The following PSIP1 variants were observed in gnomAD, a reference collection of about 807,000 sequenced individuals.
PSIP1 encodes PC4 and SFRS1-interacting protein.
PSIP1 carries 19 observed loss-of-function variants against 74.7 expected under a neutral mutation model. The observed-to-expected ratio is 0.25, with a 90% confidence interval of 0.18 to 0.37. The LOEUF (loss-of-function observed/expected upper bound fraction) is 0.37. PSIP1 is among the 10% of genes least tolerant of loss of function. The probability of loss-of-function intolerance (pLI) is 1.00; values close to 1 mark genes in which losing one functional copy is unlikely to be tolerated. For missense variants in PSIP1, 601 were observed against 614.3 expected (o/e 0.98, Z 0.23); for synonymous variants, 222 against 195.3 (o/e 1.14, Z -1.14).
rs2035475842 is a variant in PSIP1, at chr9:15,464,495, G to A, written c.*1025C>T. The stretch of plus-strand genomic sequence containing the variant: ...TTTAGTCCATACACGTCAATGTACA[G>A]ACTTATCAAAGTACAATGCTGGAAC... On this transcript the variant is annotated 3_prime_UTR_variant, in exon 16 of 16. Transcript: ENST00000380733. 5.0e-6 allele frequency: 1 copy of A among 200,970 alleles called. No individual in the cohort carries two copies. The highest frequency in any genetic ancestry group is 1.9e-4 in the South Asian group (1 of 5,244). The allele number at this position is 200,970 out of a possible 1,614,324, so 12.4% of individuals were successfully genotyped here.
intron 6 of PSIP1, among the ~76,000 whole-genome samples, chr9:15,482,862 A>G (rs2036395727): frequency 6.6e-6 from 1 of 152,170 alleles, no homozygotes; most frequent in Non-Finnish European, 1.5e-5. Context: ...TGTCCTTACC[A>G]TTCAACTAAA....
Position 15,468,655 on chromosome 9 carries a change from G to C in PSIP1, c.1395C>G (p.Asn465Lys). ...CTGTTTGTTCCTTCTCTAGCTTTTT[G>C]TTTGGCCCTTTCTTCCCTTGATCTT... ...KTKDQGKKGP[N>K]KKLEKEQTGS... Residue 465 changes from asparagine (N) to lysine (K), a missense_variant, in exon 14 of 16, where the codon AAC becomes AAG. Transcript: ENST00000380733. 6.2e-7 allele frequency: 1 copy of C among 1,614,028 alleles called. No individual in the cohort carries two copies.
chr9:15,500,677 A>G (rs1413272411), intron 3 of PSIP1, among the ~76,000 whole-genome samples: 2 of 152,136 alleles, frequency 1.3e-5, no homozygotes, highest in Admixed American at 6.5e-5. Flanking sequence ...TTCACTCCTA[A>G]AACTATAAAT....
chr9:15,472,513 T>A, intron 10 of PSIP1, 119 bp downstream of exon 10: 2 of 1,449,054 alleles, frequency 1.4e-6, no homozygotes, highest in South Asian at 3.1e-5. Flanking sequence ...TTCTAACACA[T>A]GGGAAAAGTC....
intron 3 of PSIP1, among the ~76,000 whole-genome samples, chr9:15,496,448 T>A (rs1315418712): frequency 6.6e-6 from 1 of 152,236 alleles, no homozygotes; most frequent in South Asian, 2.1e-4. Context: ...AAATAAGACA[T>A]AGCAAAGTGG....
chr9:15,489,032 T>A (rs955219658), intron 4 of PSIP1, among the ~76,000 whole-genome samples: 1 of 151,600 alleles, frequency 6.6e-6, no homozygotes, highest in Non-Finnish European at 1.5e-5. Context: ...AAAAAATAAA[T>A]TTTTTCTAAA....
intron 6 of PSIP1, among the ~76,000 whole-genome samples, chr9:15,484,069 T>A (rs1414676475): frequency 2.0e-5 from 3 of 148,160 alleles, no homozygotes; most frequent in Admixed American, 1.3e-4. Flanking sequence ...GAGGTGGAGG[T>A]TGCAGTGAGC....
intron 3 of PSIP1, among the ~76,000 whole-genome samples, chr9:15,503,340 C>G (rs1240745599): frequency 6.6e-6 from 1 of 151,356 alleles, no homozygotes; most frequent in South Asian, 2.1e-4. Context: ...GCACTCCAGC[C>G]TGGGCAACAG....
chr9:15,494,547 AAG>A (rs1357424162), intron 3 of PSIP1, among the ~76,000 whole-genome samples: 1 of 146,452 alleles, frequency 6.8e-6, no homozygotes, highest in Non-Finnish European at 1.5e-5. Flanking sequence ...CCTGGGCAAC[AAG>A]AGCAAAACTG....
At chr9:15,474,638 T>C (rs1281792169) in intron 8 of PSIP1, among the ~76,000 whole-genome samples, 1 of 152,220 alleles carries the variant, frequency 6.6e-6, no homozygotes, top group East Asian at 1.9e-4. Context: ...GACAGTGCTG[T>C]GCTGACTAGC....
chr9:15,486,254 T>C (rs2036553087), intron 5 of PSIP1, among the ~76,000 whole-genome samples, 186 bp from the exon 6 acceptor site: 1 of 152,240 alleles, frequency 6.6e-6, no homozygotes, highest in South Asian at 2.1e-4. Flanking sequence ...GCATTTCCAC[T>C]GTCAGATCAA....
In PSIP1 at chr9:15,472,625, T is replaced by C. The variant is rs763556230; in HGVS notation, c.977+7A>G. Reference sequence around the variant, plus strand: ...AACCCAAAATTTAGAAAAAAAAAAATACTTACTGCTCAGTTTCCATTTGTT... The same window carrying C: ...AACCCAAAATTTAGAAAAAAAAAAACACTTACTGCTCAGTTTCCATTTGTT... On this transcript the variant is annotated splice_region_variant and intron_variant, in intron 10 of 15. Coordinates refer to ENST00000380733, the MANE Select transcript of PSIP1 (RefSeq NM_033222.5). 1.8e-5 allele frequency: 28 copies of C among 1,564,764 alleles called. No individual in the cohort carries two copies. The highest frequency in any genetic ancestry group is 2.3e-5 in the Non-Finnish European group (27 of 1,165,746).
intron 7 of PSIP1, among the ~76,000 whole-genome samples, chr9:15,479,381 GA>G (rs2036238821): frequency 2.0e-5 from 3 of 151,970 alleles, no homozygotes. Context: ...ACTATTTAGG[GA>G]AAACATAACA....
chr9:15,473,859 C>A, intron 9 of PSIP1, 150 bp downstream of exon 9: 1 of 544,434 alleles, frequency 1.8e-6, no homozygotes, highest in Non-Finnish European at 2.9e-6. Context: ...CAAGATTGTG[C>A]CACTGCACTC....
chr9:15,510,896 C>T lies in PSIP1; in HGVS notation c.-221G>A, dbSNP rs1458804434. The T allele has an allele frequency of 1.3e-5, 2 of 152,472 alleles. No homozygotes were observed. Among genetic ancestry groups the T allele is most frequent in the African/African-American group, 4.8e-5 (2 of 41,448 alleles). 9.4% of individuals were successfully genotyped at this position (152,472 alleles called of 1,614,324 possible). A position where few individuals can be genotyped will look rare whatever the true frequency, so the allele number is the denominator to read the frequency against. The stretch of plus-strand genomic sequence containing the variant: ...CGTCCACGCAAGCCACCTGCGCCAC[C>T]AGCTGCCGCAGAGGCGTCTCAACGG... On this transcript the variant is annotated 5_prime_UTR_variant, in exon 1 of 16. Transcript: ENST00000380733.
chr9:15,490,344 T>C (rs1046235983), intron 3 of PSIP1, among the ~76,000 whole-genome samples: 33 of 152,294 alleles, frequency 2.2e-4, no homozygotes, highest in Middle Eastern at 3.4e-3. Context: ...ACCACAGACG[T>C]TGCACAATGT....
chr9:15,492,884 C>T (rs756118626), intron 3 of PSIP1, among the ~76,000 whole-genome samples: 1 of 152,222 alleles, frequency 6.6e-6, no homozygotes, highest in Non-Finnish European at 1.5e-5. Flanking sequence ...TTAGCCAAGA[C>T]TGGAGCAGCT....
In PSIP1 at chr9:15,474,185, T is replaced by G; in HGVS notation, c.682A>C (p.Lys228Gln). The change falls in exon 9 of 16, where the codon AAA (lysine) becomes CAA (glutamine). Residue 228 changes from lysine to glutamine, a missense_variant. Lys to Gln is a moderately conservative substitution (Grantham distance 53). This residue lies in a region of PSIP1 where 538 missense variants were observed against 507.6 expected (regional missense o/e 1.06). Coordinates refer to ENST00000380733, the MANE Select transcript of PSIP1 (RefSeq NM_033222.5). ...KKKGQEEKQPKKQPKKDEEGQ... is the reference protein window; with the variant it reads ...KKKGQEEKQPQKQPKKDEEGQ... ...TCTTCATCCTTCTTAGGCTGCTTTTTAGGTTGTTTTTCCTCTTGCCCCTTT... is the reference window on the plus strand; with the variant it reads ...TCTTCATCCTTCTTAGGCTGCTTTTGAGGTTGTTTTTCCTCTTGCCCCTTT... 1.2e-6 allele frequency: 2 copies of G among 1,613,332 alleles called. No individual in the cohort carries two copies. The highest frequency in any genetic ancestry group is 1.7e-6 in the Non-Finnish European group (2 of 1,179,846).
chr9:15,467,356 G>GA (rs1479535113), intron 14 of PSIP1, among the ~76,000 whole-genome samples: 1 of 152,106 alleles, frequency 6.6e-6, no homozygotes, highest in African/African-American at 2.4e-5. Flanking sequence ...TCTCTAAGGG[G>GA]ACCCATGTCA....
Sources: allele counts gnomAD v4.1 joint callset (sites outside exome capture counted in the v4.1 genomes callset), GRCh38; gene constraint gnomAD v4.1.1; regional missense constraint gnomAD v4.1.1; transcripts MANE v1.5; gene names NCBI Gene and HGNC (gene_info 2026-07-23, HGNC 2026-07-21).